SFTPD: variants seen among roughly 807,000 people sequenced by gnomAD.
The protein encoded by SFTPD is surfactant protein D, also known as pulmonary surfactant-associated protein D.
A neutral mutation model predicts 34.6 loss-of-function variants in SFTPD; 18 were observed. That is an observed-to-expected ratio of 0.52 (90% CI 0.36 to 0.77). The LOEUF (loss-of-function observed/expected upper bound fraction) is 0.77, where lower values mean the gene tolerates loss of function less well. SFTPD is among the 30% of genes least tolerant of loss of function. The probability of loss-of-function intolerance (pLI) is 0.00; values close to 1 mark genes in which losing one functional copy is unlikely to be tolerated. For missense variants in SFTPD, 433 were observed against 468.9 expected (o/e 0.92, Z 0.71); for synonymous variants, 155 against 180.9 (o/e 0.86, Z 1.15).
At chr10:79,950,986 CA>C (rs1196546538), upstream of SFTPD, 3 of 151,998 alleles carry the variant, frequency 2.0e-5, no homozygotes, top group Non-Finnish European at 4.4e-5. Flanking sequence ...CTAAAAGTTT[CA>C]ACTATATTTT....
intron 6 of SFTPD, 31 bp from the exon 7 acceptor site, chr10:79,940,819 T>C: frequency 6.9e-7 from 1 of 1,453,516 alleles, no homozygotes; most frequent in Non-Finnish European, 9.7e-7. Context: ...AAGTAAAGAC[T>C]TGTCCAGAGA....
chr10:79,957,761 C>A (rs1589339529), intron 1 of SFTPD, among the ~76,000 whole-genome samples: 2 of 152,158 alleles, frequency 1.3e-5, no homozygotes, highest in African/African-American at 4.8e-5. Flanking sequence ...CCCAATGTAG[C>A]AAGGCAGGCC....
At chr10:79,943,797 A>G (rs564978526) in intron 2 of SFTPD, among the ~76,000 whole-genome samples, 1 of 152,342 alleles carries the variant, frequency 6.6e-6, no homozygotes, top group East Asian at 1.9e-4. Flanking sequence ...ACAGAGGGTT[A>G]TAGGATGGGC....
At chr10:79,939,369 C>T (rs1842589164) in intron 7 of SFTPD, among the ~76,000 whole-genome samples, 1 of 152,176 alleles carries the variant, frequency 6.6e-6, no homozygotes, top group East Asian at 1.9e-4. Flanking sequence ...GGGTGGCACC[C>T]AGAGCAGCCC....
At chr10:79,971,822 G>C (rs189152895) in intron 1 of SFTPD, 2 of 152,106 alleles carry the variant, frequency 1.3e-5, no homozygotes, top group Non-Finnish European at 2.9e-5. Flanking sequence ...GGAATTGACC[G>C]TTTTGGGTTG....
At chr10:79,977,198 T>A (rs1274820223) in intron 1 of SFTPD, among the ~76,000 whole-genome samples, 3 of 152,120 alleles carry the variant, frequency 2.0e-5, no homozygotes, top group African/African-American at 7.2e-5. Context: ...CCTGGCTGGG[T>A]GCCAAGGATT....
chr10:79,978,651 C>CAAA (rs58759979), intron 1 of SFTPD, among the ~76,000 whole-genome samples: 2,033 of 52,016 alleles, frequency 0.039, 178 homozygotes, highest in East Asian at 0.29. Context: ...CACCCTGTCT[C>CAAA]AAAAAAAAAA....
intron 2 of SFTPD, among the ~76,000 whole-genome samples, chr10:79,944,825 T>C (rs1842649844): frequency 6.6e-6 from 1 of 151,988 alleles, no homozygotes; most frequent in Non-Finnish European, 1.5e-5. Context: ...TGACTCAAGC[T>C]TCACCCTCCA....
At position 79,963,314 on chromosome 10, in the gene SFTPD, A is replaced by C. The variant is rs535774078; in HGVS notation, c.37-16652T>G. On this transcript the variant is annotated intron_variant, in intron 1 of 5. Coordinates refer to the SFTPD transcript ENST00000444384. ...TGCAGTGAGCTATGACCACCACTGC[A>C]CTCTAGCCTGAGTGAGAGTGAGACC... Among the ~76,000 whole-genome samples the C allele has an allele frequency of 2.6e-5, 4 of 151,226 alleles. No homozygotes were observed. In the East Asian group the frequency reaches 7.8e-4, roughly 29 times the overall value.
At chr10:79,959,033 C>G (rs1842756473) in intron 1 of SFTPD, among the ~76,000 whole-genome samples, 1 of 152,134 alleles carries the variant, frequency 6.6e-6, no homozygotes, top group Admixed American at 6.5e-5. Flanking sequence ...AAAACCTGCT[C>G]CTGAATGACT....
At chr10:79,972,284 G>T (rs2819121) in intron 1 of SFTPD, 60,123 of 152,018 alleles carry the variant, frequency 0.4, 12,561 homozygotes, top group African/African-American at 0.47. Flanking sequence ...CGGGTCACAA[G>T]GTCAGGAGTT....
intron 1 of SFTPD, among the ~76,000 whole-genome samples, chr10:79,973,485 A>G (rs937311089): frequency 2.0e-5 from 3 of 151,716 alleles, no homozygotes; most frequent in African/African-American, 7.3e-5. Context: ...AGGCGCAGTG[A>G]TGGGTGCCTG....
rs1477548239 is a variant in SFTPD, at chr10:79,942,460, C to T, written c.361G>A (p.Gly121Ser). Residue 121 changes from glycine to serine, a missense_variant, in exon 4 of 8, where the codon GGT becomes AGT. Transcript: ENST00000372292. ...PGVPGPAGRE[G>S]PLGKQGNIGP... ...ATGTTCCCCTGCTTCCCCAGGGGAC[C>T]TTCTCTTCCAGCTGGACCAGGCACA... The T allele has an allele frequency of 1.2e-6, 2 of 1,613,554 alleles. No individual in the cohort carries two copies. Among genetic ancestry groups the T allele is most frequent in the Admixed American group, 3.3e-5 (2 of 60,000 alleles).
chr10:79,955,154 C>T (rs946824675), intron 1 of SFTPD, among the ~76,000 whole-genome samples: 11 of 152,144 alleles, frequency 7.2e-5, no homozygotes, highest in Admixed American at 1.3e-4. Flanking sequence ...CACCAGACTT[C>T]GTAGCCCCCA....
chr10:79,974,175 A>T (rs892746426), intron 1 of SFTPD, among the ~76,000 whole-genome samples: 2 of 151,486 alleles, frequency 1.3e-5, no homozygotes, highest in African/African-American at 4.9e-5. Context: ...TTATTTATTT[A>T]TTTTTTTTCT....
chr10:79,971,127 T>A (rs1842832169), intron 1 of SFTPD: 1 of 152,168 alleles, frequency 6.6e-6, no homozygotes, highest in South Asian at 2.1e-4. Flanking sequence ...AGACTGTCAT[T>A]TTCTTTTTGT....
intron 1 of SFTPD, among the ~76,000 whole-genome samples, chr10:79,967,811 T>C (rs1223027071): frequency 6.6e-6 from 1 of 152,072 alleles, no homozygotes; most frequent in South Asian, 2.1e-4. Flanking sequence ...ACTGATGACA[T>C]TACATTGTGA....
At chr10:79,955,618 C>G (rs932312044) in intron 1 of SFTPD, among the ~76,000 whole-genome samples, 1 of 152,208 alleles carries the variant, frequency 6.6e-6, no homozygotes, top group Non-Finnish European at 1.5e-5. Flanking sequence ...GCAATCTAAT[C>G]TGTTCACTAG....
chr10:79,938,286 G>A, intron 7 of SFTPD, 58 bp from the exon 8 acceptor site: 1 of 1,500,862 alleles, frequency 6.7e-7, no homozygotes. Context: ...AAGCTCAGGG[G>A]CTGTGAGACC....
Sources: gnomAD v4.1 joint callset for allele counts (sites outside exome capture counted in the v4.1 genomes callset) on GRCh38, gnomAD v4.1.1 for gene constraint, MANE v1.5 for transcripts, NCBI Gene and HGNC (gene_info 2026-07-23, HGNC 2026-07-21) for gene names.